Variants in OPCML observed in about 807,000 individuals in gnomAD.
The protein encoded by OPCML is opioid-binding protein/cell adhesion molecule.
In OPCML, 13 loss-of-function variants were observed where a neutral mutation model predicts 37.8. The observed-to-expected ratio is 0.34, with a 90% CI of 0.22 to 0.55. OPCML has a LOEUF of 0.55. OPCML is among the 20% of genes least tolerant of loss of function. The pLI, the probability that OPCML is intolerant of heterozygous loss-of-function variation, is 0.91. For synonymous variants in OPCML, 176 were observed against 168.8 expected (o/e 1.04, Z -0.33); for missense variants, 341 against 435.6 (o/e 0.78, Z 1.93).
At chr11:133,330,813 T>C (rs1186996445) in intron 1 of OPCML, among the ~76,000 whole-genome samples, 1 of 152,180 alleles carries the variant, frequency 6.6e-6, no homozygotes, top group Non-Finnish European at 1.5e-5. Context: ...TGTGCACATG[T>C]ACCCTAAAAC....
chr11:132,494,688 G>A (rs1474621292), intron 4 of OPCML, among the ~76,000 whole-genome samples: 2 of 152,134 alleles, frequency 1.3e-5, no homozygotes, highest in African/African-American at 4.8e-5. Context: ...CCACTGGTGA[G>A]GACATGGCCA....
At chr11:132,479,224 G>A (rs889453765) in intron 4 of OPCML, among the ~76,000 whole-genome samples, 2 of 152,318 alleles carry the variant, frequency 1.3e-5, no homozygotes, top group Non-Finnish European at 1.5e-5. Flanking sequence ...AGTGCAAGGG[G>A]TCAGGGAGTT....
At chr11:132,837,991 G>C (rs1941115468) in intron 2 of OPCML, among the ~76,000 whole-genome samples, 1 of 152,182 alleles carries the variant, frequency 6.6e-6, no homozygotes, top group Non-Finnish European at 1.5e-5. Context: ...TAGGATTTAT[G>C]TAACCTTATG....
At chr11:132,432,004 G>A (rs532336362) in intron 7 of OPCML, among the ~76,000 whole-genome samples, 1 of 152,306 alleles carries the variant, frequency 6.6e-6, no homozygotes, top group Admixed American at 6.5e-5. Flanking sequence ...TTGCTGATAT[G>A]AGGCTCCATT....
intron 1 of OPCML, 171 bp downstream of exon 1, chr11:133,532,093 G>T: frequency 1.5e-6 from 1 of 651,650 alleles, no homozygotes; most frequent in East Asian, 1.4e-4. Context: ...GTGTGAGCGA[G>T]TGAGTGTGTG....
intron 1 of OPCML, among the ~76,000 whole-genome samples, chr11:133,035,631 C>T (rs531116698): frequency 1.3e-5 from 2 of 152,254 alleles, no homozygotes; most frequent in Admixed American, 6.5e-5. Flanking sequence ...GGGACTGAAT[C>T]GTGCCCCCCC....
intron 1 of OPCML, among the ~76,000 whole-genome samples, chr11:133,511,705 T>C (rs1190413800): frequency 6.6e-6 from 1 of 152,150 alleles, no homozygotes; most frequent in African/African-American, 2.4e-5. Context: ...GATGTACTTT[T>C]TTTTTTTGCT....
intron 1 of OPCML, among the ~76,000 whole-genome samples, chr11:133,140,979 A>AGACGAAGAC (rs1949799003): frequency 5.7e-4 from 2 of 3,524 alleles, no homozygotes; most frequent in African/African-American, 9.9e-4. Context: ...AAGAAGAAGA[A>AGACGAAGAC]GAAGAAGAAG....
chr11:133,336,856 T>C (rs554304925), intron 1 of OPCML, among the ~76,000 whole-genome samples: 1 of 152,340 alleles, frequency 6.6e-6, no homozygotes, highest in Admixed American at 6.5e-5. Context: ...TGGAAATATT[T>C]AACATTCTCC....
At chr11:133,183,646 A>G (rs1460836698) in intron 1 of OPCML, among the ~76,000 whole-genome samples, 1 of 152,206 alleles carries the variant, frequency 6.6e-6, no homozygotes, top group African/African-American at 2.4e-5. Flanking sequence ...ATGTGAGATC[A>G]TGGTCATGTT....
chr11:133,460,376 T>C (rs1946830391), intron 1 of OPCML, among the ~76,000 whole-genome samples: 2 of 151,698 alleles, frequency 1.3e-5, no homozygotes, highest in Admixed American at 1.3e-4. Context: ...TAAAGACAAA[T>C]ACAAATTTTT....
intron 1 of OPCML, among the ~76,000 whole-genome samples, chr11:133,314,225 T>A (rs1288318083): frequency 1.4e-3 from 127 of 88,916 alleles, no homozygotes; most frequent in African/African-American, 6.0e-3. Context: ...ACAGCGAGAC[T>A]CCGTCTCAAA....
chr11:132,663,080 C>A (rs1004738903), intron 2 of OPCML, among the ~76,000 whole-genome samples: 2 of 152,162 alleles, frequency 1.3e-5, no homozygotes, highest in African/African-American at 4.8e-5. Context: ...AATTCAGACT[C>A]CATTCTCTTT....
intron 2 of OPCML, among the ~76,000 whole-genome samples, chr11:132,687,872 C>A (rs1343048353): frequency 6.6e-6 from 1 of 152,052 alleles, no homozygotes; most frequent in Admixed American, 6.6e-5. Flanking sequence ...TTTTTTAGAG[C>A]TAAATGTTTG....
intron 1 of OPCML, among the ~76,000 whole-genome samples, chr11:133,387,940 G>A (rs1416666040): frequency 6.6e-6 from 1 of 152,154 alleles, no homozygotes; most frequent in Non-Finnish European, 1.5e-5. Context: ...TCCAGGGAGA[G>A]GGATACCAAG....
chr11:132,715,667 A>C (rs995095464), intron 2 of OPCML, among the ~76,000 whole-genome samples: 6 of 152,204 alleles, frequency 3.9e-5, no homozygotes, highest in African/African-American at 1.4e-4. Flanking sequence ...GGCCGTCTGC[A>C]ACCTGGAAGG....
At chr11:133,273,740 T>C (rs542692064) in intron 1 of OPCML, among the ~76,000 whole-genome samples, 10 of 152,262 alleles carry the variant, frequency 6.6e-5, no homozygotes, top group African/African-American at 2.2e-4. Flanking sequence ...GGCCACTTCC[T>C]ATCCAGAGGG....
chr11:132,847,713 AAGTACAGTCTTTGG>A (rs1941614764), intron 2 of OPCML, among the ~76,000 whole-genome samples: 1 of 152,148 alleles, frequency 6.6e-6, no homozygotes, highest in Admixed American at 6.5e-5. Context: ...TAAACTTTTG[AAGTACAGTCTTTGG>A]AGGATTCTGT....
At chr11:132,687,369 CATATATATATATATATATATATATATAT>C (rs56834972) in intron 2 of OPCML, among the ~76,000 whole-genome samples, 1,156 of 49,432 alleles carry the variant, frequency 0.023, 87 homozygotes, top group Middle Eastern at 0.071. Flanking sequence ...CCTTAAGCTA[CATATATATATATATATATATATATATAT>C]ATATATATAT....
Sources: allele counts gnomAD v4.1 joint callset (sites outside exome capture counted in the v4.1 genomes callset), GRCh38; gene constraint gnomAD v4.1.1; transcripts MANE v1.5; gene names NCBI Gene and HGNC (gene_info 2026-07-23, HGNC 2026-07-21).